Variants in DDAH1 observed in about 807,000 individuals in gnomAD.
DDAH1 encodes dimethylarginine dimethylaminohydrolase 1, also known as N(G),N(G)-dimethylarginine dimethylaminohydrolase 1.
A neutral mutation model predicts 28.8 loss-of-function variants in DDAH1; 19 were observed. The observed-to-expected ratio is 0.66, with a 90% CI of 0.46 to 0.97. DDAH1 has a LOEUF of 0.97. Ranked by LOEUF, DDAH1 falls within the 50% of genes least tolerant of loss-of-function variation. The probability of loss-of-function intolerance (pLI) is 0.00; values close to 1 mark genes in which losing one functional copy is unlikely to be tolerated. For missense variants in DDAH1, 326 were observed against 375.9 expected, an observed-to-expected ratio of 0.87 and a Z score of 1.10; for synonymous variants, 153 against 154.4, an observed-to-expected ratio of 0.99 and a Z score of 0.07.
chr1:85,574,666 C>T (rs2100573306), intron 1 of DDAH1, among the ~76,000 whole-genome samples: 1 of 152,326 alleles, frequency 6.6e-6, no homozygotes, highest in South Asian at 2.1e-4. Context: ...TCTCATGTCA[C>T]CAGTACCTAG....
At chr1:85,372,110 T>C (rs233050) in intron 1 of DDAH1, among the ~76,000 whole-genome samples, 46,761 of 151,984 alleles carry the variant, frequency 0.31, 7,813 homozygotes, top group South Asian at 0.41. Context: ...GAGTGCATAG[T>C]AATTAATTCT....
chr1:85,327,409 C>T lies in DDAH1; in HGVS notation c.598-2526G>A, dbSNP rs140673793. On this transcript the variant is annotated intron_variant, in intron 4 of 5. Coordinates refer to ENST00000284031, the MANE Select transcript of DDAH1 (RefSeq NM_012137.4). ...TCAGCTTCCTTCTTTCTAAGGCCTA[C>T]GTTAACATGTAATCTAGTAGTGTTG... Among the ~76,000 whole-genome samples, 11 of 133,136 alleles carry T rather than the reference C, an allele frequency of 8.3e-5. No individual in the cohort carries two copies. In the East Asian group the frequency reaches 1.7e-3, roughly 20 times the overall value. 87.3% of individuals were successfully genotyped at this position (133,136 alleles called of 152,430 possible). A position where few individuals can be genotyped will look rare whatever the true frequency, so the allele number is the denominator to read the frequency against.
intron 1 of DDAH1, among the ~76,000 whole-genome samples, chr1:85,514,742 G>A (rs1220488887): frequency 6.6e-6 from 1 of 151,530 alleles, no homozygotes; most frequent in Non-Finnish European, 1.5e-5. Flanking sequence ...CCAAACTTTG[G>A]CTAGTGGGAG....
chr1:85,449,387 C>T (rs2100666809), intron 1 of DDAH1, among the ~76,000 whole-genome samples: 2 of 152,140 alleles, frequency 1.3e-5, no homozygotes, highest in East Asian at 1.9e-4. Context: ...CAAAAGGGGT[C>T]AAGATGTAAA....
chr1:85,361,580 G>C (rs1032534017), intron 1 of DDAH1, among the ~76,000 whole-genome samples: 5 of 152,148 alleles, frequency 3.3e-5, no homozygotes, highest in Non-Finnish European at 1.5e-5. Flanking sequence ...TTAAGCCTTA[G>C]AGTATAAAGT....
chr1:85,332,879 G>A (rs1356470702), intron 4 of DDAH1, among the ~76,000 whole-genome samples: 1 of 152,112 alleles, frequency 6.6e-6, no homozygotes, highest in African/African-American at 2.4e-5. Flanking sequence ...TGCACTACCT[G>A]GAGGATTGGG....
chr1:85,507,600 T>C (rs374869112), intron 1 of DDAH1, among the ~76,000 whole-genome samples: 1 of 152,204 alleles, frequency 6.6e-6, no homozygotes, highest in South Asian at 2.1e-4. Flanking sequence ...TCATTTCTAA[T>C]AAAATTAATA....
Position 85,422,812 on chromosome 1 carries a change from G to A in DDAH1, c.303+41931C>T, listed in dbSNP as rs552895186. Among the ~76,000 whole-genome samples the A allele has an allele frequency of 2.6e-5, 4 of 152,260 alleles. No homozygotes were observed. The South Asian group carries it at 8.3e-4, about 32-fold the overall frequency. ...GCCCTCATGACGAGATTAGTGAAGA[G>A]ACTCCAAACGGCTTGCTTGTTCTCC... is the stretch of plus-strand genomic sequence containing the variant. On this transcript the variant is annotated intron_variant, in intron 1 of 5. Transcript: ENST00000284031.
At chr1:85,433,123 T>C (rs993471213) in intron 1 of DDAH1, among the ~76,000 whole-genome samples, 1 of 152,086 alleles carries the variant, frequency 6.6e-6, no homozygotes, top group Non-Finnish European at 1.5e-5. Context: ...CATACATATA[T>C]AATTTAATCT....
chr1:85,404,539 GCTCC>G, intron 1 of DDAH1: 1 of 1,346,996 alleles, frequency 7.4e-7, no homozygotes, highest in Admixed American at 3.2e-5. Flanking sequence ...ACTAACTGCA[GCTCC>G]AGACAGAAAA....
intron 1 of DDAH1, among the ~76,000 whole-genome samples, chr1:85,391,242 G>A (rs1262928968): frequency 1.4e-4 from 22 of 151,980 alleles, no homozygotes; most frequent in Admixed American, 1.1e-3. Context: ...TATACTCTTC[G>A]GACAAAAACA....
intron 1 of DDAH1, among the ~76,000 whole-genome samples, chr1:85,434,139 A>G (rs1422544173): frequency 6.6e-6 from 1 of 152,152 alleles, no homozygotes; most frequent in Non-Finnish European, 1.5e-5. Flanking sequence ...CACATCTTAA[A>G]ATCACCTGTT....
intron 1 of DDAH1, among the ~76,000 whole-genome samples, chr1:85,362,104 T>C (rs1478499194): frequency 6.6e-6 from 1 of 152,194 alleles, no homozygotes; most frequent in Non-Finnish European, 1.5e-5. Flanking sequence ...TGCTTTCCTG[T>C]GAATTAAAAT....
At chr1:85,490,643 A>G (rs1167115078) in intron 2 of DDAH1, among the ~76,000 whole-genome samples, 1 of 152,234 alleles carries the variant, frequency 6.6e-6, no homozygotes, top group African/African-American at 2.4e-5. Context: ...GACAGCCTGC[A>G]ATTTTTCAAC....
intron 1 of DDAH1, among the ~76,000 whole-genome samples, chr1:85,446,096 C>T (rs888413473): frequency 1.9e-4 from 29 of 152,226 alleles, no homozygotes; most frequent in African/African-American, 5.5e-4. Context: ...TGAGCTGTAC[C>T]GCCCCAGCAA....
chr1:85,427,046 G>A (rs1204402506), intron 1 of DDAH1, among the ~76,000 whole-genome samples: 1 of 150,554 alleles, frequency 6.6e-6, no homozygotes, highest in South Asian at 2.1e-4. Flanking sequence ...TATTTTATAC[G>A]AAGGCAAATA....
chr1:85,533,127 C>A (rs1319477086), intron 1 of DDAH1, among the ~76,000 whole-genome samples: 1 of 152,122 alleles, frequency 6.6e-6, no homozygotes, highest in Non-Finnish European at 1.5e-5. Flanking sequence ...TGTCCCTTCA[C>A]CAAAGAACCT....
chr1:85,343,443 C>CTATT (rs1331033777), intron 4 of DDAH1, among the ~76,000 whole-genome samples: 2 of 152,130 alleles, frequency 1.3e-5, no homozygotes, highest in Non-Finnish European at 2.9e-5. Flanking sequence ...AATTCAGAAG[C>CTATT]TATTTGGTTT....
chr1:85,369,740 T>A (rs902521956), intron 1 of DDAH1, among the ~76,000 whole-genome samples: 1 of 152,160 alleles, frequency 6.6e-6, no homozygotes, highest in Non-Finnish European at 1.5e-5. Context: ...CAATAAATAA[T>A]AAACATTAAA....
Sources: allele counts gnomAD v4.1 joint callset (sites outside exome capture counted in the v4.1 genomes callset), GRCh38; gene constraint gnomAD v4.1.1; transcripts MANE v1.5; gene names NCBI Gene and HGNC (gene_info 2026-07-23, HGNC 2026-07-21).